The following TOMM70 variants were observed in gnomAD, a reference collection of about 807,000 sequenced individuals.
TOMM70 encodes the protein mitochondrial import receptor subunit TOM70.
A neutral mutation model predicts 73.6 loss-of-function variants in TOMM70; 13 were observed. The observed-to-expected ratio is 0.18, with a 90% confidence interval of 0.11 to 0.28. The LOEUF (loss-of-function observed/expected upper bound fraction) is 0.28. Among genes scored for constraint, TOMM70 ranks in the 10% least tolerant of loss-of-function variants. The probability of loss-of-function intolerance (pLI) is 1.00; values close to 1 mark genes in which losing one functional copy is unlikely to be tolerated. For missense variants in TOMM70, 609 were observed against 747.5 expected (o/e 0.81, Z 2.16); for synonymous variants, 257 against 271.2 (o/e 0.95, Z 0.51).
At chr3:100,387,593 GACACAGACACACACACACACACACACAC>G (rs1354851862) in intron 1 of TOMM70, among the ~76,000 whole-genome samples, 2,312 of 98,708 alleles carry the variant, frequency 0.023, 33 homozygotes, top group Non-Finnish European at 0.031. Context: ...CACAGACACA[GACACAGACACACACACACACACACACAC>G]ACACACACAC....
chr3:100,377,511 A>G, intron 6 of TOMM70, 194 bp downstream of exon 6: 1 of 587,590 alleles, frequency 1.7e-6, no homozygotes. Flanking sequence ...TTTCCTAAAT[A>G]AAGATAAATA....
intron 1 of TOMM70, among the ~76,000 whole-genome samples, chr3:100,394,707 T>TGGCCA (rs543434110): frequency 1.1e-3 from 168 of 152,242 alleles, no homozygotes; most frequent in Non-Finnish European, 1.7e-3. Context: ...TTCACCATGT[T>TGGCCA]GGCCAGGCCA....
At chr3:100,397,779 C>T (rs1488995761) in intron 1 of TOMM70, among the ~76,000 whole-genome samples, 1 of 151,958 alleles carries the variant, frequency 6.6e-6, no homozygotes, top group African/African-American at 2.4e-5. Flanking sequence ...ATCCCAGCTA[C>T]TTGGGAGGCT....
rs1044536830 is a variant in TOMM70 at position 100,397,810 on chromosome 3, G to A, written c.324+2816C>T. 3.3e-5 allele frequency among the ~76,000 whole-genome samples: 5 copies of A among 151,748 alleles called. No homozygotes were observed. The South Asian group carries it at 6.2e-4, about 19-fold the overall frequency. ...AGGCTGAGGCAGGACAATCTCTTGAGCCCAGGAGGCAGAGGTTGCAGTGAG... is the reference window on the plus strand; with the variant it reads ...AGGCTGAGGCAGGACAATCTCTTGAACCCAGGAGGCAGAGGTTGCAGTGAG... On this transcript the variant is annotated intron_variant, in intron 1 of 11. Coordinates refer to ENST00000284320, the MANE Select transcript of TOMM70 (RefSeq NM_014820.5).
At position 100,365,532 on chromosome 3, in the gene TOMM70, TAA is replaced by T; in HGVS notation, c.*30_*31del. The T allele has an allele frequency of 6.2e-7, 1 of 1,613,708 alleles. No individual in the cohort carries two copies. Among genetic ancestry groups the T allele is most frequent in the South Asian group, 1.1e-5 (1 of 91,064 alleles). On this transcript the variant is annotated 3_prime_UTR_variant, in exon 12 of 12. Transcript: ENST00000284320. ...TTCAGTTGAAGAGGGGGTAAACTTT[TAA>T]AAAGAGGGTCAGTCTGCTTTCCCCC...
Position 100,401,036 on chromosome 3 carries a change from G to A in TOMM70, c.-87C>T. The A allele has an allele frequency of 3.7e-6, 5 of 1,358,752 alleles. No homozygotes were observed. The highest frequency in any genetic ancestry group is 5.0e-6 in the Non-Finnish European group (5 of 995,664). The allele number at this position is 1,358,752 out of a possible 1,614,324, so 84.2% of individuals were successfully genotyped here. A position where few individuals can be genotyped will look rare whatever the true frequency, so the allele number is the denominator to read the frequency against. ...TGCGAAGGAAGACCGAGGGAGGGAAGGAAAGCAATGAGCGAGCGAGCACGC... is the reference window on the plus strand; with the variant it reads ...TGCGAAGGAAGACCGAGGGAGGGAAAGAAAGCAATGAGCGAGCGAGCACGC... On this transcript the variant is annotated 5_prime_UTR_variant, in exon 1 of 12. Coordinates refer to ENST00000284320, the MANE Select transcript of TOMM70 (RefSeq NM_014820.5).
At chr3:100,390,038 TA>T (rs543020303) in intron 1 of TOMM70, among the ~76,000 whole-genome samples, 1 of 150,788 alleles carries the variant, frequency 6.6e-6, no homozygotes. Context: ...TGACTCCATC[TA>T]AAAAAAAAGA....
In TOMM70 at chr3:100,381,783, A is replaced by G; in HGVS notation, c.736-20T>C. Reference sequence around the variant, plus strand: ...ACGATTCTGAAATTTAGTCATGTTTAAAGACATCAGGATGGGAAATACCAA... The same window carrying G: ...ACGATTCTGAAATTTAGTCATGTTTGAAGACATCAGGATGGGAAATACCAA... On this transcript the variant is annotated intron_variant, in intron 4 of 11. Transcript: ENST00000284320. 6.3e-7 allele frequency: 1 copy of G among 1,584,114 alleles called. No homozygotes were observed. Among genetic ancestry groups the G allele is most frequent in the South Asian group, 1.2e-5 (1 of 86,054 alleles).
intron 1 of TOMM70, among the ~76,000 whole-genome samples, chr3:100,389,877 A>G (rs986508151): frequency 2.0e-5 from 3 of 152,186 alleles, no homozygotes; most frequent in Admixed American, 2.0e-4. Flanking sequence ...CCCTGTCTCT[A>G]CAAAAATAGA....
At chr3:100,396,300 C>T (rs1706825073) in intron 1 of TOMM70, among the ~76,000 whole-genome samples, 1 of 152,154 alleles carries the variant, frequency 6.6e-6, no homozygotes, top group Admixed American at 6.5e-5. Context: ...TCTTCCCTTT[C>T]CTACTGTAGT....
At chr3:100,394,230 T>G (rs1706794993) in intron 1 of TOMM70, among the ~76,000 whole-genome samples, 1 of 152,236 alleles carries the variant, frequency 6.6e-6, no homozygotes, top group Non-Finnish European at 1.5e-5. Flanking sequence ...AATGGTTTTA[T>G]TGTTTTAAAT....
At chr3:100,385,480 G>A (rs139505208) in intron 3 of TOMM70, among the ~76,000 whole-genome samples, 98 of 152,236 alleles carry the variant, frequency 6.4e-4, no homozygotes, top group African/African-American at 2.3e-3. Flanking sequence ...TCCTTTTACT[G>A]ATGCTTTTAA....
intron 1 of TOMM70, among the ~76,000 whole-genome samples, chr3:100,387,586 A>G (rs151098654): frequency 0.015 from 1,741 of 119,442 alleles, 16 homozygotes; most frequent in African/African-American, 0.042. Flanking sequence ...TAAAAGACAC[A>G]GACACAGACA....
chr3:100,392,249 T>C (rs900901808), intron 1 of TOMM70, among the ~76,000 whole-genome samples: 9 of 152,162 alleles, frequency 5.9e-5, no homozygotes, highest in Non-Finnish European at 1.2e-4. Context: ...GTTGGTAAAT[T>C]TTTGAGCCAA....
At chr3:100,373,213 G>C (rs1233244910) in intron 8 of TOMM70, among the ~76,000 whole-genome samples, 2 of 151,604 alleles carry the variant, frequency 1.3e-5, no homozygotes, top group Non-Finnish European at 2.9e-5. Context: ...ATGAAGCAGG[G>C]GTGAGAGAGC....
At chr3:100,366,100 C>G (rs1040160800) in intron 11 of TOMM70, among the ~76,000 whole-genome samples, 7 of 152,202 alleles carry the variant, frequency 4.6e-5, no homozygotes, top group Non-Finnish European at 1.0e-4. Context: ...CTACTGTTAA[C>G]ATGAGACTCC....
chr3:100,363,476 T>A lies in TOMM70; in HGVS notation c.*2088A>T, dbSNP rs1166422580. 1 of 152,616 alleles carries A rather than the reference T, an allele frequency of 6.6e-6. No homozygotes were observed. Among genetic ancestry groups the A allele is most frequent in the Non-Finnish European group, 1.5e-5 (1 of 68,030 alleles). 9.5% of individuals were successfully genotyped at this position (152,616 alleles called of 1,614,324 possible). On this transcript the variant is annotated 3_prime_UTR_variant, in exon 12 of 12. Transcript: ENST00000284320. ...AGATAGAAGAGCTTGAATGTAATATTTATTTGGTGAATTTACATGTGAGGT... is the reference window on the plus strand; with the variant it reads ...AGATAGAAGAGCTTGAATGTAATATATATTTGGTGAATTTACATGTGAGGT...
rs1288355237 is a variant in TOMM70 at position 100,397,313 on chromosome 3, G to A, written c.324+3313C>T. 5.9e-5 allele frequency among the ~76,000 whole-genome samples: 9 copies of A among 152,252 alleles called. No homozygotes were observed. In the South Asian group the frequency reaches 1.7e-3, roughly 28 times the overall value. ...TCTAAGGACCAGACTATTAAAAGAA[G>A]ACAAAAGTAGTCTTTCAATATTTAC... On this transcript the variant is annotated intron_variant, in intron 1 of 11. Transcript: ENST00000284320.
chr3:100,365,832 T>G, intron 11 of TOMM70, 115 bp from the exon 12 acceptor site: 4 of 1,211,634 alleles, frequency 3.3e-6, no homozygotes, highest in Non-Finnish European at 4.6e-6. Flanking sequence ...CAATATTCAA[T>G]GAAGGTTGTA....
Sources: gnomAD v4.1 joint callset for allele counts (sites outside exome capture counted in the v4.1 genomes callset) on GRCh38, gnomAD v4.1.1 for gene constraint, MANE v1.5 for transcripts, NCBI Gene and HGNC (gene_info 2026-07-23, HGNC 2026-07-21) for gene names.